RFX4: variants seen among roughly 807,000 people sequenced by gnomAD.
RFX4 encodes the protein regulatory factor X4.
A neutral mutation model predicts 95.0 loss-of-function variants in RFX4; 10 were observed. The ratio of observed to expected loss-of-function variants is 0.11; its 90% CI spans 0.06 to 0.18. The LOEUF is 0.18. Among genes scored for constraint, RFX4 ranks in the 10% least tolerant of loss-of-function variants. The pLI is 1.00. For missense variants in RFX4, 640 were observed against 922.0 expected, an observed-to-expected ratio of 0.69 and a Z score of 3.96; for synonymous variants, 321 against 340.7, an observed-to-expected ratio of 0.94 and a Z score of 0.64.
At chr12:106,585,856 C>T (rs2039447218) in intron 1 of RFX4, 2 of 152,256 alleles carry the variant, frequency 1.3e-5, no homozygotes, top group South Asian at 4.1e-4. Context: ...AGGAAAATCC[C>T]CGCGAAGTGC....
At chr12:106,659,763 G>A (rs1565968432) in intron 4 of RFX4, among the ~76,000 whole-genome samples, 1 of 152,198 alleles carries the variant, frequency 6.6e-6, no homozygotes, top group African/African-American at 2.4e-5. Context: ...GTAAGTGGTG[G>A]ACTCAGGATG....
chr12:106,714,730 GA>G (rs549575001), intron 10 of RFX4, among the ~76,000 whole-genome samples: 6 of 149,988 alleles, frequency 4.0e-5, no homozygotes, highest in African/African-American at 9.8e-5. Flanking sequence ...CAGCTTTAAA[GA>G]AAAAAAAATA....
chr12:106,757,978 T>G (rs997219489), intron 17 of RFX4, among the ~76,000 whole-genome samples: 2 of 152,224 alleles, frequency 1.3e-5, no homozygotes, highest in African/African-American at 4.8e-5. Flanking sequence ...ATACACTCCT[T>G]TCAAGGGATG....
At chr12:106,634,308 G>A (rs1473184016) in intron 2 of RFX4, among the ~76,000 whole-genome samples, 7 of 152,100 alleles carry the variant, frequency 4.6e-5, no homozygotes, top group Non-Finnish European at 8.8e-5. Flanking sequence ...GAGGTCCTTG[G>A]TGATGCCATT....
intron 8 of RFX4, among the ~76,000 whole-genome samples, chr12:106,707,673 A>G (rs1334843103): frequency 6.6e-6 from 1 of 151,898 alleles, no homozygotes; most frequent in African/African-American, 2.4e-5. Flanking sequence ...TGAGGAGGGA[A>G]TGGGAGGTGA....
At chr12:106,656,899 T>G (rs1031069767) in intron 4 of RFX4, among the ~76,000 whole-genome samples, 1 of 152,210 alleles carries the variant, frequency 6.6e-6, no homozygotes, top group African/African-American at 2.4e-5. Flanking sequence ...ACATCCGAAC[T>G]CCATCTTATC....
chr12:106,663,920 G>T (rs1438745232), intron 4 of RFX4, among the ~76,000 whole-genome samples: 6 of 151,558 alleles, frequency 4.0e-5, no homozygotes, highest in African/African-American at 1.5e-4. Context: ...AATCCCACTT[G>T]GTTATGGTGT....
In RFX4 at chr12:106,583,458, G is replaced by A. The variant is rs1217518370; in HGVS notation, c.43+95G>A. 9 of 1,257,884 alleles carry A rather than the reference G, an allele frequency of 7.2e-6. No homozygotes were observed. The East Asian group carries it at 2.4e-4, about 33-fold the overall frequency. The allele number at this position is 1,257,884 out of a possible 1,614,324, so 77.9% of individuals were successfully genotyped here. On this transcript the variant is annotated intron_variant, in intron 1 of 17. Coordinates refer to ENST00000392842, the MANE Select transcript of RFX4 (RefSeq NM_213594.3). Reference sequence around the variant, plus strand: ...AAGAAGTTGGGAAAAGTTCAGACGGGTCAACTTGACAGTGGAACCCCAAAG... The same window carrying A: ...AAGAAGTTGGGAAAAGTTCAGACGGATCAACTTGACAGTGGAACCCCAAAG...
intron 15 of RFX4, among the ~76,000 whole-genome samples, chr12:106,738,423 C>T (rs1388114088): frequency 6.6e-6 from 1 of 152,132 alleles, no homozygotes; most frequent in Non-Finnish European, 1.5e-5. Flanking sequence ...GTGAGTGTGC[C>T]TGGCTTTCTT....
chr12:106,661,808 C>T (rs1005321853), intron 4 of RFX4, among the ~76,000 whole-genome samples: 18 of 152,262 alleles, frequency 1.2e-4, no homozygotes, highest in Middle Eastern at 3.4e-3. Context: ...TAGCTGGAAT[C>T]GTACAGTATG....
chr12:106,630,141 T>G (rs907850028), intron 2 of RFX4, among the ~76,000 whole-genome samples: 2 of 152,184 alleles, frequency 1.3e-5, no homozygotes, highest in East Asian at 1.9e-4. Context: ...GCTATTTTTT[T>G]GGGAGCTCTT....
At chr12:106,654,692 G>A (rs1439248055) in intron 4 of RFX4, among the ~76,000 whole-genome samples, 1 of 152,182 alleles carries the variant, frequency 6.6e-6, no homozygotes, top group East Asian at 1.9e-4. Context: ...TAGTCATGTG[G>A]ATGCCTGGAG....
chr12:106,714,536 C>T (rs928733391), intron 10 of RFX4, among the ~76,000 whole-genome samples: 6 of 151,984 alleles, frequency 3.9e-5, no homozygotes, highest in South Asian at 2.1e-4. Flanking sequence ...ACAATGTCTT[C>T]GTGTATTTTA....
At chr12:106,647,382 T>C (rs73188523) in intron 3 of RFX4, among the ~76,000 whole-genome samples, 4,966 of 152,290 alleles carry the variant, frequency 0.033, 108 homozygotes, top group Non-Finnish European at 0.048. Context: ...TCCTAGGGCA[T>C]AGTGTTTACT....
chr12:106,729,888 C>G (rs1204976728), intron 13 of RFX4, among the ~76,000 whole-genome samples: 3 of 152,176 alleles, frequency 2.0e-5, no homozygotes, highest in Non-Finnish European at 4.4e-5. Flanking sequence ...TCACAGGATC[C>G]CATTTCAGAG....
intron 15 of RFX4, among the ~76,000 whole-genome samples, chr12:106,736,000 A>T (rs554446401): frequency 6.6e-6 from 1 of 152,262 alleles, no homozygotes; most frequent in South Asian, 2.1e-4. Flanking sequence ...TTAATTCATT[A>T]CCTTTCCATC....
chr12:106,640,756 A>C (rs2040605199), intron 3 of RFX4, among the ~76,000 whole-genome samples: 1 of 151,198 alleles, frequency 6.6e-6, no homozygotes. Context: ...GGGAGTTTCT[A>C]GACATGCATG....
Position 106,745,167 on chromosome 12 carries a change from A to T in RFX4, c.1634-2270A>T, listed in dbSNP as rs1298088681. ...TGCTTTTCTTTCTTCTTTCATTCCC[A>T]CTTCCATTTTATTGTCTCGAATCTT... On this transcript the variant is annotated intron_variant, in intron 15 of 17. Transcript: ENST00000392842. Among the ~76,000 whole-genome samples the T allele has an allele frequency of 4.6e-5, 7 of 151,810 alleles. No homozygotes were observed. In the East Asian group the frequency reaches 1.4e-3, roughly 29 times the overall value.
At chr12:106,714,092 G>A (rs866803055) in intron 10 of RFX4, among the ~76,000 whole-genome samples, 2,151 of 70,918 alleles carry the variant, frequency 0.03, 27 homozygotes, top group Middle Eastern at 0.07. Flanking sequence ...AAAAAAAAAA[G>A]CATGTTCTAA....
Sources: allele counts gnomAD v4.1 joint callset (sites outside exome capture counted in the v4.1 genomes callset), GRCh38; gene constraint gnomAD v4.1.1; transcripts MANE v1.5; gene names NCBI Gene and HGNC (gene_info 2026-07-23, HGNC 2026-07-21).